DPP10: variants seen among roughly 807,000 people sequenced by gnomAD.
The protein encoded by DPP10 is dipeptidyl peptidase like 10.
DPP10 carries 33 observed loss-of-function variants against 120.9 expected under a neutral mutation model. The ratio of observed to expected loss-of-function variants is 0.27; its 90% CI spans 0.21 to 0.37. The LOEUF (loss-of-function observed/expected upper bound fraction) is 0.37. Among genes scored for constraint, DPP10 ranks in the 10% least tolerant of loss-of-function variants. The probability of loss-of-function intolerance (pLI) is 1.00; values close to 1 mark genes in which losing one functional copy is unlikely to be tolerated. For synonymous variants in DPP10, 337 were observed against 326.1 expected, an observed-to-expected ratio of 1.03 and a Z score of -0.36; for missense variants, 816 against 942.8, an observed-to-expected ratio of 0.87 and a Z score of 1.76.
chr2:115,539,564 G>A (rs1575129676), intron 5 of DPP10, among the ~76,000 whole-genome samples: 1 of 151,760 alleles, frequency 6.6e-6, no homozygotes, highest in East Asian at 1.9e-4. Context: ...AATCCAAGAA[G>A]GATAACAGTT....
intron 3 of DPP10, among the ~76,000 whole-genome samples, chr2:115,369,281 G>A (rs1392457060): frequency 6.6e-6 from 1 of 151,946 alleles, no homozygotes; most frequent in East Asian, 1.9e-4. Flanking sequence ...AAGAAAACAA[G>A]ATTATTTCAT....
At chr2:115,297,798 C>T (rs12988978) in intron 1 of DPP10, among the ~76,000 whole-genome samples, 5,564 of 152,088 alleles carry the variant, frequency 0.037, 217 homozygotes, top group East Asian at 0.2. Flanking sequence ...GCCTGCTCAT[C>T]CCCTGAAATC....
At chr2:115,699,036 C>CAAAAAAAAAAAAAAAA (rs1191197397) in intron 7 of DPP10, among the ~76,000 whole-genome samples, 1 of 50,808 alleles carries the variant, frequency 2.0e-5, no homozygotes, top group African/African-American at 6.9e-5. Flanking sequence ...AAAAAAAAAA[C>CAAAAAAAAAAAAAAAA]AAAAAAAAAA....
chr2:115,531,830 A>G (rs538292010), intron 5 of DPP10, among the ~76,000 whole-genome samples: 20 of 152,212 alleles, frequency 1.3e-4, no homozygotes, highest in Non-Finnish European at 2.8e-4. Flanking sequence ...CACTGTCTAC[A>G]TTTGTAAAGA....
At chr2:115,046,313 T>C (rs755115064) in intron 1 of DPP10, among the ~76,000 whole-genome samples, 8 of 152,190 alleles carry the variant, frequency 5.3e-5, no homozygotes, top group Non-Finnish European at 1.2e-4. Flanking sequence ...GAAATAATTC[T>C]TGTTTAGTGA....
intron 3 of DPP10, among the ~76,000 whole-genome samples, chr2:115,390,516 G>A (rs1229460336): frequency 6.6e-6 from 1 of 151,688 alleles, no homozygotes. Flanking sequence ...TGCCCTTTTT[G>A]CTCCACTTGA....
intron 3 of DPP10, among the ~76,000 whole-genome samples, chr2:115,440,596 A>G (rs1192739894): frequency 6.6e-6 from 1 of 152,198 alleles, no homozygotes; most frequent in Non-Finnish European, 1.5e-5. Context: ...CTCGGCCCCG[A>G]GGAAGGGGCT....
At chr2:114,558,280 C>T (rs1688481457) in intron 1 of DPP10, among the ~76,000 whole-genome samples, 1 of 152,188 alleles carries the variant, frequency 6.6e-6, no homozygotes, top group African/African-American at 2.4e-5. Context: ...CAAAAATTGT[C>T]ATCAAAATTC....
At chr2:114,921,226 G>A (rs1299350761) in intron 1 of DPP10, among the ~76,000 whole-genome samples, 5 of 152,122 alleles carry the variant, frequency 3.3e-5, no homozygotes, top group Non-Finnish European at 5.9e-5. Flanking sequence ...GACTTGATAT[G>A]TATTTTGGTG....
At chr2:114,805,514 A>G (rs1684647681) in intron 1 of DPP10, among the ~76,000 whole-genome samples, 1 of 152,208 alleles carries the variant, frequency 6.6e-6, no homozygotes, top group Admixed American at 6.5e-5. Context: ...AGACACATAG[A>G]AAACCTAATA....
chr2:114,591,719 T>C (rs1691480969), intron 1 of DPP10, among the ~76,000 whole-genome samples: 1 of 152,044 alleles, frequency 6.6e-6, no homozygotes, highest in African/African-American at 2.4e-5. Flanking sequence ...CACGTCTGGC[T>C]AATTTTTGTA....
chr2:115,072,014 G>T (rs1425471555), intron 1 of DPP10, among the ~76,000 whole-genome samples: 1 of 152,146 alleles, frequency 6.6e-6, no homozygotes, highest in African/African-American at 2.4e-5. Context: ...GCCCACAGTT[G>T]AGGTAATGAT....
At chr2:115,355,523 G>A (rs2064317722) in intron 3 of DPP10, among the ~76,000 whole-genome samples, 1 of 152,088 alleles carries the variant, frequency 6.6e-6, no homozygotes, top group African/African-American at 2.4e-5. Flanking sequence ...TCACTCTGAT[G>A]ATGGTTTCTT....
At chr2:115,229,687 CTCCTATTCTA>C (rs1367866468) in intron 1 of DPP10, among the ~76,000 whole-genome samples, 6 of 134,276 alleles carry the variant, frequency 4.5e-5, no homozygotes, top group African/African-American at 1.1e-4. Context: ...TTTCTGAGTT[CTCCTATTCTA>C]TTCTATTCTA....
intron 8 of DPP10, among the ~76,000 whole-genome samples, chr2:115,732,013 TC>T (rs972940926): frequency 5.1e-4 from 77 of 152,070 alleles, no homozygotes; most frequent in African/African-American, 1.7e-3. Context: ...ACCTTTTTTT[TC>T]CCCTTTAATG....
intron 7 of DPP10, among the ~76,000 whole-genome samples, chr2:115,713,283 A>T (rs890133619): frequency 6.6e-6 from 1 of 152,138 alleles, no homozygotes; most frequent in African/African-American, 2.4e-5. Context: ...GAGAAGGAAC[A>T]CTCAGAAGAG....
At chr2:115,485,415 G>T (rs1278785644) in intron 3 of DPP10, among the ~76,000 whole-genome samples, 1 of 151,994 alleles carries the variant, frequency 6.6e-6, no homozygotes, top group Non-Finnish European at 1.5e-5. Context: ...CTATTTCTTT[G>T]TAAGTATTTT....
intron 1 of DPP10, among the ~76,000 whole-genome samples, chr2:114,570,694 G>A (rs1409238349): frequency 4.0e-5 from 6 of 151,520 alleles, no homozygotes; most frequent in East Asian, 1.9e-4. Context: ...TTAGCCGGGC[G>A]TGGTGGCGGG....
chr2:115,629,636 C>T (rs1288403811), intron 5 of DPP10, among the ~76,000 whole-genome samples: 1 of 152,064 alleles, frequency 6.6e-6, no homozygotes, highest in Non-Finnish European at 1.5e-5. Flanking sequence ...CTGTTCATAT[C>T]CAGCACCATT....
Sources: allele counts gnomAD v4.1 joint callset (sites outside exome capture counted in the v4.1 genomes callset), GRCh38; gene constraint gnomAD v4.1.1; transcripts MANE v1.5; gene names NCBI Gene and HGNC (gene_info 2026-07-23, HGNC 2026-07-21).